Variants in LAMC3 observed in about 807,000 individuals in gnomAD.
LAMC3 encodes the protein laminin subunit gamma 3.
In LAMC3, 128 loss-of-function variants were observed where a neutral mutation model predicts 173.8. The ratio of observed to expected loss-of-function variants is 0.74; its 90% CI spans 0.64 to 0.85. The LOEUF is 0.85. LAMC3 is among the 40% of genes least tolerant of loss of function. The pLI, the probability that LAMC3 is intolerant of heterozygous loss-of-function variation, is 0.00. For missense variants in LAMC3, 2,022 were observed against 2,156.0 expected, an observed-to-expected ratio of 0.94 and a Z score of 1.23; for synonymous variants, 897 against 909.1, an observed-to-expected ratio of 0.99 and a Z score of 0.24.
intron 8 of LAMC3, among the ~76,000 whole-genome samples, chr9:131,048,181 T>C: frequency 6.7e-6 from 1 of 148,924 alleles, no homozygotes; most frequent in African/African-American, 2.5e-5. Flanking sequence ...CTCAGCCTCC[T>C]GAGTAGCTCA....
At chr9:131,037,589 G>C (rs1422166804) in intron 4 of LAMC3, among the ~76,000 whole-genome samples, 1 of 152,070 alleles carries the variant, frequency 6.6e-6, no homozygotes, top group African/African-American at 2.4e-5. Context: ...CTGCAGCCTC[G>C]AATTCCTGGG....
At chr9:131,033,745 G>A (rs1833891420) in intron 3 of LAMC3, among the ~76,000 whole-genome samples, 1 of 152,132 alleles carries the variant, frequency 6.6e-6, no homozygotes, top group African/African-American at 2.4e-5. Flanking sequence ...GGGGTGTGGG[G>A]CGCGTGGGTC....
chr9:131,079,473 T>C (rs1351958950), intron 23 of LAMC3, among the ~76,000 whole-genome samples, 175 bp downstream of exon 23: 1 of 152,014 alleles, frequency 6.6e-6, no homozygotes, highest in Non-Finnish European at 1.5e-5. Context: ...GACGGGTGGA[T>C]CACGAGGTCA....
chr9:131,091,927 T>A lies in LAMC3; in HGVS notation c.*140T>A, dbSNP rs1588173982. Reference sequence around the variant, plus strand: ...AACTCGCCCCCGTGTGGATAGTCACTCCCTGCCGATTCTGTCTGTGGCTTC... The same window carrying A: ...AACTCGCCCCCGTGTGGATAGTCACACCCTGCCGATTCTGTCTGTGGCTTC... On this transcript the variant is annotated 3_prime_UTR_variant, in exon 28 of 28. Transcript: ENST00000361069. 4.5e-5 allele frequency: 29 copies of A among 647,316 alleles called. No individual in the cohort carries two copies. Among genetic ancestry groups the A allele is most frequent in the Admixed American group, 1.4e-4 (4 of 28,886 alleles). 40.1% of individuals were successfully genotyped at this position (647,316 alleles called of 1,614,324 possible).
chr9:131,055,629 G>A lies in LAMC3; in HGVS notation c.1940-1300G>A, dbSNP rs573276956. 1.4e-3 allele frequency among the ~76,000 whole-genome samples: 205 copies of A among 150,996 alleles called. 1 individual carries two copies. Among genetic ancestry groups the A allele is most frequent in the African/African-American group, 4.7e-3 (193 of 41,142 alleles). ...TTTAGTAGAGACGGGGTTTCACCGT[G>A]TTAGCCAGGATGGTCTCGATTTCCT... On this transcript the variant is annotated intron_variant, in intron 11 of 27. Coordinates refer to ENST00000361069, the MANE Select transcript of LAMC3 (RefSeq NM_006059.4).
chr9:131,047,626 G>T (rs190883829), intron 8 of LAMC3, among the ~76,000 whole-genome samples: 1 of 151,552 alleles, frequency 6.6e-6, no homozygotes, highest in Non-Finnish European at 1.5e-5. Context: ...CCGGGGTGGG[G>T]GTGGGGGGAG....
rs745341474 is a variant in LAMC3, at chr9:131,026,335, C to T, written c.424C>T (p.Pro142Ser). The change falls in exon 2 of 28, where the codon CCT (proline) becomes TCT (serine). Residue 142 changes from proline to serine, a missense_variant. Physicochemically the swap from Pro to Ser is moderately conservative, Grantham distance 74. Coordinates refer to ENST00000361069, the MANE Select transcript of LAMC3 (RefSeq NM_006059.4). The surrounding 1 kb of genome is among the most constrained non-coding windows in gnomAD (Gnocchi z 4.8). Reference protein sequence around the residue: ...YVRLKFHTSRPESFAIYKRSR... With the variant: ...YVRLKFHTSRSESFAIYKRSR... ...GAGGCTGAAGTTCCACACCAGTCGC[C>T]CTGAGAGCTTTGCCATCTACAAGCG... 7 of 1,614,192 alleles carry T rather than the reference C, an allele frequency of 4.3e-6. No individual in the cohort carries two copies. The highest frequency in any genetic ancestry group is 5.9e-6 in the Non-Finnish European group (7 of 1,180,042).
At chr9:131,040,147 G>A (rs1834022605) in intron 6 of LAMC3, among the ~76,000 whole-genome samples, 1 of 150,702 alleles carries the variant, frequency 6.6e-6, no homozygotes, top group Non-Finnish European at 1.5e-5. Context: ...CTGAGTAGCT[G>A]GGATTACAAG....
chr9:131,081,995 T>C (rs1374553587), intron 23 of LAMC3, 64 bp from the exon 24 acceptor site: 4 of 1,283,790 alleles, frequency 3.1e-6, no homozygotes, highest in Non-Finnish European at 4.5e-6. Flanking sequence ...TGGTGCCCAC[T>C]GAGCTGCCCC....
chr9:131,056,991 T>C lies in LAMC3; in HGVS notation c.2002T>C (p.Ser668Pro). The change falls in exon 12 of 28, where the codon TCC (serine) becomes CCC (proline). Residue 668 changes from serine (S) to proline (P), a missense_variant. Transcript: ENST00000361069. ...SARPGLSPPA[S>P]WVEICSCPTG... is the part of the protein sequence containing the mutation. ...CCGGCCAGGGCTTTCCCCGCCAGCC[T>C]CCTGGGTGGAGATTTGTTCATGTCC... is the stretch of plus-strand genomic sequence containing the variant. The C allele has an allele frequency of 6.2e-7, 1 of 1,614,100 alleles. No homozygotes were observed. Among genetic ancestry groups the C allele is most frequent in the Non-Finnish European group, 8.5e-7 (1 of 1,180,034 alleles).
chr9:131,077,609 A>G (rs1204404733), intron 22 of LAMC3, among the ~76,000 whole-genome samples: 5 of 132,248 alleles, frequency 3.8e-5, no homozygotes, highest in South Asian at 2.6e-4. Flanking sequence ...CCTGGGAGGC[A>G]GAGGCTGCAG....
At chr9:131,066,653 C>G (rs187463981) in intron 13 of LAMC3, among the ~76,000 whole-genome samples, 46 of 152,222 alleles carry the variant, frequency 3.0e-4, no homozygotes, top group Non-Finnish European at 6.2e-4. Flanking sequence ...TGAGTGCTTA[C>G]TACATGTCAG....
At position 131,068,948 on chromosome 9, in the gene LAMC3, C is replaced by A. The variant is rs545636769; in HGVS notation, c.2788C>A (p.His930Asn). ...HPLGSQEDQCHPKTGQCTCRP... is the reference protein window; with the variant it reads ...HPLGSQEDQCNPKTGQCTCRP... ...ACTGGGCTCCCAGGAGGACCAGTGC[C>A]ATCCCAAGACTGGACAGTGCACCTG... The change falls in exon 16 of 28, where the codon CAT becomes AAT. Residue 930 changes from histidine (H) to asparagine (N), a missense_variant. Coordinates refer to ENST00000361069, the MANE Select transcript of LAMC3 (RefSeq NM_006059.4). The A allele has an allele frequency of 8.7e-6, 14 of 1,614,094 alleles. No individual in the cohort carries two copies. The highest frequency in any genetic ancestry group is 1.2e-5 in the Non-Finnish European group (14 of 1,180,012).
chr9:131,077,137 T>G, intron 21 of LAMC3, 50 bp from the exon 22 acceptor site: 2 of 1,608,266 alleles, frequency 1.2e-6, no homozygotes, highest in South Asian at 1.1e-5. Context: ...CAGACAGGGA[T>G]GGGGAGGGCT....
At chr9:131,060,749 C>A (rs2133298012) in intron 12 of LAMC3, among the ~76,000 whole-genome samples, 1 of 152,208 alleles carries the variant, frequency 6.6e-6, no homozygotes, top group Admixed American at 6.5e-5. Context: ...CTGACGAGAA[C>A]CCTTTGAAGT....
Position 131,049,149 on chromosome 9 carries a change from G to T in LAMC3, c.1630+19G>T. 3.5e-6 allele frequency: 5 copies of T among 1,436,002 alleles called. No individual in the cohort carries two copies. The highest frequency in any genetic ancestry group is 2.4e-5 in the South Asian group (2 of 81,858). 89.0% of individuals were successfully genotyped at this position (1,436,002 alleles called of 1,614,324 possible). ...GCACCAGGTACCTCCAGCACCAGGT[G>T]GGGGCTGGCCGCCCTGTGTCGGTTC... is the stretch of plus-strand genomic sequence containing the variant. On this transcript the variant is annotated intron_variant, in intron 9 of 27. Coordinates refer to ENST00000361069, the MANE Select transcript of LAMC3 (RefSeq NM_006059.4).
intron 22 of LAMC3, among the ~76,000 whole-genome samples, chr9:131,077,933 G>A (rs1018294175): frequency 2.6e-5 from 4 of 152,118 alleles, no homozygotes; most frequent in African/African-American, 9.7e-5. Context: ...GACACGGGAT[G>A]CAATCCCAGC....
intron 6 of LAMC3, among the ~76,000 whole-genome samples, chr9:131,039,757 A>T (rs1300016542): frequency 6.6e-6 from 1 of 151,476 alleles, no homozygotes; most frequent in African/African-American, 2.4e-5. Context: ...GAGGAAGAAG[A>T]GGTGGAGGCT....
At chr9:131,057,504 G>T (rs1399906449) in intron 12 of LAMC3, among the ~76,000 whole-genome samples, 1 of 152,154 alleles carries the variant, frequency 6.6e-6, no homozygotes, top group Non-Finnish European at 1.5e-5. Flanking sequence ...ACATGCAGAG[G>T]GTGCTGTGAG....
Sources: allele counts gnomAD v4.1 joint callset (sites outside exome capture counted in the v4.1 genomes callset), GRCh38; gene constraint gnomAD v4.1.1; non-coding constraint Gnocchi (gnomAD v3.1); transcripts MANE v1.5; gene names NCBI Gene and HGNC (gene_info 2026-07-23, HGNC 2026-07-21).